The following FER variants were observed in gnomAD, a reference collection of about 807,000 sequenced individuals.
FER encodes the protein tyrosine-protein kinase Fer.
Under a neutral mutation model 111.0 loss-of-function variants are expected in FER, and 63 were observed. The ratio of observed to expected loss-of-function variants is 0.57; its 90% CI spans 0.46 to 0.70. The LOEUF is 0.70. Among genes scored for constraint, FER ranks in the 30% least tolerant of loss-of-function variants. FER has a pLI of 0.00. For synonymous variants in FER, 327 were observed against 313.9 expected (o/e 1.04, Z -0.44); for missense variants, 914 against 954.0 (o/e 0.96, Z 0.55).
intron 3 of FER, among the ~76,000 whole-genome samples, chr5:108,813,578 CTG>C (rs1281940521): frequency 1.3e-5 from 2 of 152,018 alleles, no homozygotes; most frequent in Admixed American, 6.6e-5. Context: ...TCTTTCTTCT[CTG>C]TGTTTCATTG....
At chr5:108,760,553 C>G (rs988536108) in intron 1 of FER, among the ~76,000 whole-genome samples, 2 of 152,322 alleles carry the variant, frequency 1.3e-5, no homozygotes, top group Non-Finnish European at 2.9e-5. Flanking sequence ...GGATAACTTG[C>G]TGCAACTTGT....
chr5:109,084,877 C>T (rs372785116), intron 16 of FER, among the ~76,000 whole-genome samples: 2 of 151,788 alleles, frequency 1.3e-5, no homozygotes, highest in African/African-American at 2.4e-5. Context: ...TGAGTTGCTT[C>T]GGTGTCTATG....
At chr5:109,152,317 T>C (rs1336044075) in intron 17 of FER, among the ~76,000 whole-genome samples, 1 of 152,020 alleles carries the variant, frequency 6.6e-6, no homozygotes, top group African/African-American at 2.4e-5. Context: ...AGACTCATCA[T>C]ATAGTTATCT....
intron 10 of FER, among the ~76,000 whole-genome samples, chr5:108,921,221 C>T (rs1385552790): frequency 6.6e-6 from 1 of 152,096 alleles, no homozygotes; most frequent in Non-Finnish European, 1.5e-5. Context: ...ACTATTACTA[C>T]AATTATTACT....
intron 9 of FER, chr5:108,894,511 T>C: frequency 2.5e-6 from 1 of 396,340 alleles, no homozygotes; most frequent in Admixed American, 2.7e-5. Context: ...CTGATATTAG[T>C]TAGTTTGATG....
intron 13 of FER, among the ~76,000 whole-genome samples, chr5:108,975,558 T>C (rs1761227474): frequency 6.6e-6 from 1 of 152,144 alleles, no homozygotes; most frequent in Non-Finnish European, 1.5e-5. Flanking sequence ...GTTTGATCTT[T>C]GGGGGCAACA....
intron 17 of FER, 35 bp downstream of exon 17, chr5:109,100,554 T>C (rs1748098858): frequency 6.3e-7 from 1 of 1,580,988 alleles, no homozygotes; most frequent in African/African-American, 1.4e-5. Flanking sequence ...TTTTTGGTTT[T>C]ATTAATAGAA....
At chr5:108,819,690 T>C in intron 3 of FER, 3 of 624,102 alleles carry the variant, frequency 4.8e-6, no homozygotes, top group Non-Finnish European at 6.0e-6. Context: ...GGAGTCAGGT[T>C]GGAAAGAACT....
chr5:108,807,931 A>G (rs1757369387), intron 3 of FER, among the ~76,000 whole-genome samples: 1 of 149,004 alleles, frequency 6.7e-6, no homozygotes, highest in Non-Finnish European at 1.5e-5. Context: ...GTTTTGAGAT[A>G]TCTTCTTGGT....
chr5:108,894,681 A>C (rs1404534520), intron 9 of FER: 5 of 226,928 alleles, frequency 2.2e-5, no homozygotes, highest in African/African-American at 7.0e-5. Flanking sequence ...GAAAGGAAAG[A>C]GGTTTAATTG....
intron 13 of FER, among the ~76,000 whole-genome samples, chr5:108,972,891 A>G (rs969045409): frequency 1.3e-5 from 2 of 152,142 alleles, no homozygotes; most frequent in African/African-American, 4.8e-5. Context: ...TTTACTTTCT[A>G]TTTTTAAATT....
chr5:108,838,510 A>C (rs1379850153), intron 5 of FER, among the ~76,000 whole-genome samples: 1 of 152,198 alleles, frequency 6.6e-6, no homozygotes, highest in Non-Finnish European at 1.5e-5. Context: ...GTTTGGACTC[A>C]AGGGTTCAGT....
chr5:109,108,744 TC>T, intron 17 of FER, among the ~76,000 whole-genome samples: 1 of 152,176 alleles, frequency 6.6e-6, no homozygotes, highest in South Asian at 2.1e-4. Context: ...TTAGTCTTGA[TC>T]AAATTCTGGG....
chr5:109,047,269 C>G, intron 16 of FER, 71 bp downstream of exon 16: 1 of 871,076 alleles, frequency 1.1e-6, no homozygotes, highest in Non-Finnish European at 1.8e-6. Flanking sequence ...TATGTTCGAT[C>G]TCTTTGATTT....
At chr5:108,843,645 C>T (rs1186887029) in intron 5 of FER, among the ~76,000 whole-genome samples, 1 of 151,392 alleles carries the variant, frequency 6.6e-6, no homozygotes, top group East Asian at 2.0e-4. Context: ...TTCTCCTCCT[C>T]AGCCTCCTGA....
At chr5:109,014,991 GT>G (rs1404734332) in intron 13 of FER, 1 of 148,038 alleles carries the variant, frequency 6.8e-6, no homozygotes, top group Admixed American at 6.6e-5. Context: ...TTTAAAGACT[GT>G]TTTGTTCTAA....
At chr5:108,891,861 G>T (rs1036125126) in intron 9 of FER, among the ~76,000 whole-genome samples, 1 of 151,764 alleles carries the variant, frequency 6.6e-6, no homozygotes, top group African/African-American at 2.4e-5. Context: ...TCCCCTTCCT[G>T]TGTCCATGTG....
chr5:109,017,075 C>G (rs1259877657), intron 13 of FER, among the ~76,000 whole-genome samples: 1 of 151,928 alleles, frequency 6.6e-6, no homozygotes, highest in Non-Finnish European at 1.5e-5. Context: ...CCTAAGCTGA[C>G]CAATACACCA....
intron 16 of FER, among the ~76,000 whole-genome samples, chr5:109,069,055 C>G (rs1775460751): frequency 1.3e-5 from 2 of 151,902 alleles, no homozygotes; most frequent in African/African-American, 4.8e-5. Context: ...AGACTATTAC[C>G]AAACAAATTT....
Sources: allele counts gnomAD v4.1 joint callset (sites outside exome capture counted in the v4.1 genomes callset), GRCh38; gene constraint gnomAD v4.1.1; transcripts MANE v1.5; gene names NCBI Gene and HGNC (gene_info 2026-07-23, HGNC 2026-07-21).